POM121C: variants seen among roughly 807,000 people sequenced by gnomAD.
POM121C encodes the protein POM121 transmembrane nucleoporin C.
In POM121C, 20 loss-of-function variants were observed where a neutral mutation model predicts 66.4. The ratio of observed to expected loss-of-function variants is 0.30; its 90% CI spans 0.21 to 0.44. The LOEUF is 0.44. POM121C is among the 20% of genes least tolerant of loss of function. The pLI is 1.00. For missense variants in POM121C, 580 were observed against 1,225.7 expected (o/e 0.47, Z 7.87); for synonymous variants, 286 against 528.0 (o/e 0.54, Z 6.28).
intron 3 of POM121C, among the ~76,000 whole-genome samples, chr7:75,460,999 G>T (rs1442434639): frequency 6.6e-6 from 1 of 152,122 alleles, no homozygotes; most frequent in African/African-American, 2.4e-5. Context: ...ATGTTAGGTG[G>T]CTGGCTGACT....
intron 1 of POM121C, among the ~76,000 whole-genome samples, chr7:75,481,335 G>A (rs1225605529): frequency 7.3e-5 from 11 of 151,596 alleles, no homozygotes; most frequent in East Asian, 1.9e-4. Context: ...AAGGGATTCC[G>A]TCTGGCCAAA....
intron 3 of POM121C, among the ~76,000 whole-genome samples, chr7:75,449,740 G>A (rs1368279498): frequency 6.6e-6 from 1 of 152,134 alleles, no homozygotes; most frequent in African/African-American, 2.4e-5. Context: ...GGATGGCCAG[G>A]CACGGTGGCT....
In POM121C at chr7:75,424,236, A is replaced by C. The variant is rs1224776288; in HGVS notation, c.872-11T>G. 2.4e-5 allele frequency: 39 copies of C among 1,611,754 alleles called. No homozygotes were observed. The Admixed American group carries it at 5.2e-4, about 21-fold the overall frequency. ...AGTTCGAGGCAGCATCTAAGAAAGA[A>C]AGAAAGGTGAAGCAGTCCTGGCTTG... On this transcript the variant is annotated splice_polypyrimidine_tract_variant and intron_variant, in intron 11 of 14. Transcript: ENST00000615331.
intron 12 of POM121C, among the ~76,000 whole-genome samples, chr7:75,423,629 G>A (rs369367283): frequency 7.6e-4 from 116 of 152,102 alleles, no homozygotes; most frequent in African/African-American, 2.5e-3. Context: ...AGGTGTGCGC[G>A]CGCAGTGCCG....
rs587706794 is a variant in POM121C at position 75,437,751 on chromosome 7, G to A, written c.309-65C>T. 73 of 1,497,284 alleles carry A rather than the reference G, an allele frequency of 4.9e-5. 1 individual carries two copies. The highest frequency in any genetic ancestry group is 4.4e-4 in the South Asian group (32 of 72,298). 92.7% of individuals were successfully genotyped at this position (1,497,284 alleles called of 1,614,324 possible). A position where few individuals can be genotyped will look rare whatever the true frequency, so the allele number is the denominator to read the frequency against. On this transcript the variant is annotated intron_variant, in intron 6 of 14. Coordinates refer to ENST00000615331, the MANE Select transcript of POM121C (RefSeq NM_001099415.3). ...AACATTCTTTTACGATTTCATCCAC[G>A]GTCATGACATCTTTCTTAATAACAT... is the stretch of plus-strand genomic sequence containing the variant.
intron 1 of POM121C, among the ~76,000 whole-genome samples, 198 bp from the exon 2 acceptor site, chr7:75,475,386 C>T (rs1470745063): frequency 6.6e-6 from 1 of 152,174 alleles, no homozygotes; most frequent in Non-Finnish European, 1.5e-5. Flanking sequence ...AGCCAAAACA[C>T]AACTGAGCTC....
intron 6 of POM121C, 60 bp downstream of exon 6, chr7:75,439,084 A>C: frequency 1.9e-6 from 3 of 1,571,340 alleles, no homozygotes; most frequent in Non-Finnish European, 2.6e-6. Context: ...ATAGGGCAAC[A>C]GCTCTGATCA....
rs782467740 is a variant in POM121C at position 75,421,970 on chromosome 7, G to A, written c.2282C>T (p.Thr761Met). 2.4e-5 allele frequency: 39 copies of A among 1,613,890 alleles called. No individual in the cohort carries two copies. The highest frequency in any genetic ancestry group is 2.2e-4 in the South Asian group (20 of 91,088). The part of the protein sequence containing the change: ...TIKIVPAHVP[T>M]PIQPTFGGAT... Reference sequence around the variant, plus strand: ...ACCGCCAAAGGTAGGCTGGATGGGCGTAGGCACGTGCGCAGGCACGATCTT... The same window carrying A: ...ACCGCCAAAGGTAGGCTGGATGGGCATAGGCACGTGCGCAGGCACGATCTT... The change falls in exon 13 of 15, where the codon ACG (threonine) becomes ATG (methionine). Residue 761 changes from threonine to methionine, a missense_variant. By Grantham distance (81) the Thr-to-Met change is moderately conservative. Coordinates refer to ENST00000615331, the MANE Select transcript of POM121C (RefSeq NM_001099415.3).
intron 7 of POM121C, among the ~76,000 whole-genome samples, chr7:75,428,523 G>A (rs1181844379): frequency 6.6e-6 from 1 of 152,208 alleles, no homozygotes; most frequent in Non-Finnish European, 1.5e-5. Flanking sequence ...TGAGGCAGGA[G>A]AACTGCTTGA....
At chr7:75,484,058 T>C in intron 1 of POM121C, 1 of 574,342 alleles carries the variant, frequency 1.7e-6, no homozygotes, top group East Asian at 4.1e-5. Flanking sequence ...AGCGAGATCA[T>C]GCCACTGCAC....
Position 75,475,051 on chromosome 7 carries a change from G to A in POM121C, c.-331+11C>T. ...TCAACTGAGAGCATTCAGAAAGCAA[G>A]CTATCCTCACCCAAGGAAACTAGAT... On this transcript the variant is annotated intron_variant, in intron 2 of 14. Coordinates refer to ENST00000615331, the MANE Select transcript of POM121C (RefSeq NM_001099415.3). 1 of 1,375,364 alleles carries A rather than the reference G, an allele frequency of 7.3e-7. No individual in the cohort carries two copies. 85.2% of individuals were successfully genotyped at this position (1,375,364 alleles called of 1,614,324 possible). A position where few individuals can be genotyped will look rare whatever the true frequency, so the allele number is the denominator to read the frequency against.
At chr7:75,472,830 G>A (rs1304264430) in intron 3 of POM121C, among the ~76,000 whole-genome samples, 2 of 151,118 alleles carry the variant, frequency 1.3e-5, no homozygotes, top group African/African-American at 4.9e-5. Context: ...GGAAGGGAGG[G>A]AGGGAGGAAG....
intron 1 of POM121C, among the ~76,000 whole-genome samples, chr7:75,479,738 AGAG>A (rs1284759670): frequency 6.6e-6 from 1 of 151,978 alleles, no homozygotes; most frequent in African/African-American, 2.4e-5. Context: ...GTAAAGACCA[AGAG>A]GAGAGAAATG....
At chr7:75,472,287 A>C (rs1328691706) in intron 3 of POM121C, among the ~76,000 whole-genome samples, 3 of 151,628 alleles carry the variant, frequency 2.0e-5, no homozygotes, top group Non-Finnish European at 4.4e-5. Context: ...TGAGGTGGGC[A>C]GATCACAAGG....
At chr7:75,454,105 A>C (rs1345169090) in intron 3 of POM121C, among the ~76,000 whole-genome samples, 1 of 152,238 alleles carries the variant, frequency 6.6e-6, no homozygotes, top group Non-Finnish European at 1.5e-5. Context: ...GCACAGGCTC[A>C]AGGAAAAGAG....
At chr7:75,429,679 GAAGTAAAA>G (rs61090189) in intron 7 of POM121C, among the ~76,000 whole-genome samples, 24,106 of 151,728 alleles carry the variant, frequency 0.16, 2,427 homozygotes, top group African/African-American at 0.28. Context: ...TAATACAAGA[GAAGTAAAA>G]CTTCTACAGA....
intron 3 of POM121C, among the ~76,000 whole-genome samples, chr7:75,443,105 T>C (rs1366504233): frequency 3.3e-5 from 5 of 152,214 alleles, no homozygotes; most frequent in Admixed American, 6.5e-5. Context: ...CAAACGCCAC[T>C]GGCGGCTGAG....
chr7:75,431,917 G>A (rs1257543578), intron 7 of POM121C, among the ~76,000 whole-genome samples: 1 of 152,096 alleles, frequency 6.6e-6, no homozygotes, highest in African/African-American at 2.4e-5. Context: ...CGGTGCCACT[G>A]CACTGTAGCT....
At chr7:75,457,807 C>T (rs1192662163) in intron 3 of POM121C, among the ~76,000 whole-genome samples, 7 of 152,252 alleles carry the variant, frequency 4.6e-5, no homozygotes, top group East Asian at 3.8e-4. Context: ...CCTAATATAA[C>T]GTCGTGTACA....
Sources: gnomAD v4.1 joint callset for allele counts (sites outside exome capture counted in the v4.1 genomes callset) on GRCh38, gnomAD v4.1.1 for gene constraint, MANE v1.5 for transcripts, NCBI Gene and HGNC (gene_info 2026-07-23, HGNC 2026-07-21) for gene names.